The following AMPD3 variants were observed in gnomAD, a reference collection of about 807,000 sequenced individuals.
AMPD3 encodes AMP deaminase 3.
AMPD3 carries 57 observed loss-of-function variants against 82.3 expected under a neutral mutation model. The observed-to-expected ratio is 0.69, with a 90% CI of 0.56 to 0.86. The LOEUF (loss-of-function observed/expected upper bound fraction) is 0.86. Among genes scored for constraint, AMPD3 ranks in the 40% least tolerant of loss-of-function variants. The pLI is 0.00. For missense variants in AMPD3, 870 were observed against 1,003.8 expected, an observed-to-expected ratio of 0.87 and a Z score of 1.80; for synonymous variants, 381 against 394.7, an observed-to-expected ratio of 0.97 and a Z score of 0.41.
chr11:10,498,862 C>T (rs1329922132), intron 10 of AMPD3, among the ~76,000 whole-genome samples: 1 of 152,206 alleles, frequency 6.6e-6, no homozygotes, highest in African/African-American at 2.4e-5. Flanking sequence ...CTCCCCTGTG[C>T]GCTGAGAGCC....
Position 10,501,471 on chromosome 11 carries a change from G to C in AMPD3, c.1723G>C (p.Glu575Gln), listed in dbSNP as rs1236546570. Reference protein sequence around the residue: ...NIMVLNNLRRERGLSTFLFRP... With the variant: ...NIMVLNNLRRQRGLSTFLFRP... ...ATTCGGAAACCCCTTCTCTTACAGGGAGCGCGGCCTGAGCACGTTCCTGTT... is the reference window on the plus strand; with the variant it reads ...ATTCGGAAACCCCTTCTCTTACAGGCAGCGCGGCCTGAGCACGTTCCTGTT... The change falls in exon 12 of 15, where the codon GAG (glutamate) becomes CAG (glutamine). Residue 575 changes from glutamate to glutamine, a missense_variant and splice_region_variant. Coordinates refer to ENST00000396553, the MANE Select transcript of AMPD3 (RefSeq NM_001025389.2). The C allele has an allele frequency of 1.2e-6, 2 of 1,613,904 alleles. No individual in the cohort carries two copies. Among genetic ancestry groups the C allele is most frequent in the Non-Finnish European group, 1.7e-6 (2 of 1,179,940 alleles).
At chr11:10,461,224 C>G (rs1177639145) in intron 1 of AMPD3, 5 of 1,292,394 alleles carry the variant, frequency 3.9e-6, no homozygotes, top group African/African-American at 1.5e-5. Flanking sequence ...CTGCCAGGTG[C>G]TGCAGATTCC....
chr11:10,459,403 A>T (rs1255125574), intron 1 of AMPD3, among the ~76,000 whole-genome samples: 12 of 152,126 alleles, frequency 7.9e-5, no homozygotes. Context: ...TGCCACTTAG[A>T]GCTGAGAGGG....
chr11:10,497,146 G>A (rs1849429321), intron 10 of AMPD3, among the ~76,000 whole-genome samples: 1 of 152,100 alleles, frequency 6.6e-6, no homozygotes, highest in African/African-American at 2.4e-5. Flanking sequence ...GTCAGTGGGT[G>A]TGGGGGGATG....
intron 10 of AMPD3, among the ~76,000 whole-genome samples, chr11:10,499,085 C>T (rs1849503585): frequency 6.6e-6 from 1 of 151,894 alleles, no homozygotes; most frequent in Non-Finnish European, 1.5e-5. Flanking sequence ...CATGGCTTAG[C>T]CCAGCAAGGA....
At chr11:10,460,068 TATATAATATATATTTTA>T (rs1319415829) in intron 1 of AMPD3, among the ~76,000 whole-genome samples, 67 of 144,994 alleles carry the variant, frequency 4.6e-4, no homozygotes, top group African/African-American at 1.6e-3. Flanking sequence ...ATATATATTA[TATATAATATATATTTTA>T]TATATATATA....
intron 2 of AMPD3, chr11:10,473,585 C>T (rs1564843686): frequency 2.5e-5 from 25 of 985,258 alleles, no homozygotes; most frequent in Non-Finnish European, 2.9e-5. Context: ...AAGTTACACC[C>T]ACCTGGCCAG....
In AMPD3 at chr11:10,456,664, C is replaced by G; in HGVS notation, c.-6+1216C>G. On this transcript the variant is annotated intron_variant, in intron 1 of 14. Transcript: ENST00000396553. The surrounding 1 kb of genome is among the most constrained non-coding windows in gnomAD (Gnocchi z 4.3). ...TGATGCTGGTGAATTCACAGCTAAG[C>G]CTCCCAAGCCTGCTGGCTTCAGCTG... 3 of 953,114 alleles carry G rather than the reference C, an allele frequency of 3.1e-6. No individual in the cohort carries two copies. Among genetic ancestry groups the G allele is most frequent in the Non-Finnish European group, 2.5e-6 (2 of 800,582 alleles). 59.0% of individuals were successfully genotyped at this position (953,114 alleles called of 1,614,324 possible). A position where few individuals can be genotyped will look rare whatever the true frequency, so the allele number is the denominator to read the frequency against.
intron 2 of AMPD3, among the ~76,000 whole-genome samples, chr11:10,466,362 C>T (rs941115226): frequency 7.2e-5 from 11 of 152,070 alleles, no homozygotes; most frequent in African/African-American, 2.2e-4. Context: ...GGGGGAGGGT[C>T]GTTGGCCATT....
intron 12 of AMPD3, chr11:10,502,429 C>T: frequency 1.0e-6 from 1 of 985,442 alleles, no homozygotes; most frequent in Non-Finnish European, 1.2e-6. Flanking sequence ...GAGTGGGCTG[C>T]CCTTCCTGCC....
chr11:10,495,011 A>T lies in AMPD3; in HGVS notation c.1247A>T (p.Tyr416Phe), dbSNP rs1345451189. The T allele has an allele frequency of 6.2e-7, 1 of 1,614,208 alleles. No homozygotes were observed. Among genetic ancestry groups the T allele is most frequent in the Non-Finnish European group, 8.5e-7 (1 of 1,180,022 alleles). Residue 416 changes from tyrosine to phenylalanine, a missense_variant, in exon 8 of 15, where the codon TAC becomes TTC. Tyr to Phe is a conservative substitution (Grantham distance 22). Coordinates refer to ENST00000396553, the MANE Select transcript of AMPD3 (RefSeq NM_001025389.2). ...ACTGAAAACTATCTGGGAGGAGAGTACTTTGCTCGGATGGTCAAGGTGAGT... is the reference window on the plus strand; with the variant it reads ...ACTGAAAACTATCTGGGAGGAGAGTTCTTTGCTCGGATGGTCAAGGTGAGT... The part of the protein sequence containing the change: ...LKTENYLGGE[Y>F]FARMVKEVAR...
At chr11:10,501,246 C>G (rs915609120) in intron 11 of AMPD3, 1 of 985,170 alleles carries the variant, frequency 1.0e-6, no homozygotes, top group African/African-American at 1.7e-5. Context: ...CTTTCTACTG[C>G]GAGGCCCACT....
rs73409989 is a variant in AMPD3, at chr11:10,490,034, C to A, written c.939+2670C>A. On this transcript the variant is annotated intron_variant, in intron 6 of 14. Transcript: ENST00000396553. Reference sequence around the variant, plus strand: ...GGGGAGGAGAGCTGCTTTCTAAAATCCAGAATGGGCTGGATGATGGCCTCC... The same window carrying A: ...GGGGAGGAGAGCTGCTTTCTAAAATACAGAATGGGCTGGATGATGGCCTCC... 6.3e-3 allele frequency among the ~76,000 whole-genome samples: 958 copies of A among 152,234 alleles called. 13 individuals carry two copies. Among genetic ancestry groups the A allele is most frequent in the African/African-American group, 0.022 (905 of 41,518 alleles).
At chr11:10,477,597 C>T (rs1205199986) in intron 2 of AMPD3, among the ~76,000 whole-genome samples, 4 of 152,174 alleles carry the variant, frequency 2.6e-5, no homozygotes, top group African/African-American at 9.7e-5. Context: ...GCCCAAGAGC[C>T]AGTGTAATCA....
chr11:10,462,661 A>G (rs917302630), intron 2 of AMPD3, among the ~76,000 whole-genome samples: 1 of 152,226 alleles, frequency 6.6e-6, no homozygotes, highest in African/African-American at 2.4e-5. Flanking sequence ...ATCTGAGGGC[A>G]AACAGGCCCA....
intron 3 of AMPD3, 106 bp downstream of exon 3, chr11:10,478,836 G>A: frequency 8.0e-7 from 1 of 1,255,370 alleles, no homozygotes; most frequent in Non-Finnish European, 1.1e-6. Flanking sequence ...GTCCGTGGAT[G>A]TCTGGGAGAA....
chr11:10,473,494 G>A, intron 2 of AMPD3: 1 of 985,238 alleles, frequency 1.0e-6, no homozygotes, highest in Non-Finnish European at 1.2e-6. Context: ...AGAAGGGGCA[G>A]GTTTCCAGAG....
chr11:10,450,800 G>C, upstream of AMPD3: 2 of 1,179,252 alleles, frequency 1.7e-6, no homozygotes, highest in Non-Finnish European at 2.1e-6. Context: ...CGGCTGGCCG[G>C]CTTCCTCCCT....
chr11:10,491,770 A>C (rs1466427), intron 6 of AMPD3, among the ~76,000 whole-genome samples: 112,324 of 152,046 alleles, frequency 0.74, 41,853 homozygotes, highest in East Asian at 0.91. Context: ...ATCTGGGAGA[A>C]AATCAGGTTT....
Sources: gnomAD v4.1 joint callset for allele counts (sites outside exome capture counted in the v4.1 genomes callset) on GRCh38, gnomAD v4.1.1 for gene constraint, Gnocchi (gnomAD v3.1) non-coding constraint, MANE v1.5 for transcripts, NCBI Gene and HGNC (gene_info 2026-07-23, HGNC 2026-07-21) for gene names.